EPHA7: variants seen among roughly 807,000 people sequenced by gnomAD.
EPHA7 encodes ephrin type-A receptor 7.
A neutral mutation model predicts 112.6 loss-of-function variants in EPHA7; 25 were observed. The observed-to-expected ratio is 0.22, with a 90% CI of 0.16 to 0.31. The LOEUF is 0.31. Among genes scored for constraint, EPHA7 ranks in the 10% least tolerant of loss-of-function variants. The pLI, the probability that EPHA7 is intolerant of heterozygous loss-of-function variation, is 1.00. For missense variants in EPHA7, 962 were observed against 1,212.6 expected, an observed-to-expected ratio of 0.79 and a Z score of 3.07; for synonymous variants, 437 against 406.5, an observed-to-expected ratio of 1.07 and a Z score of -0.90.
intron 3 of EPHA7, among the ~76,000 whole-genome samples, chr6:93,372,773 T>C (rs1312965023): frequency 2.0e-5 from 3 of 152,238 alleles, no homozygotes; most frequent in Admixed American, 2.0e-4. Flanking sequence ...AGCATTGTGC[T>C]TGCAGCTATA....
chr6:93,309,183 A>C (rs1773408029), intron 5 of EPHA7, among the ~76,000 whole-genome samples: 1 of 152,186 alleles, frequency 6.6e-6, no homozygotes, highest in South Asian at 2.1e-4. Flanking sequence ...TCCTGACTTC[A>C]GGTGATCTGC....
intron 1 of EPHA7, among the ~76,000 whole-genome samples, chr6:93,416,117 T>C (rs1431336518): frequency 3.3e-5 from 5 of 152,138 alleles, no homozygotes; most frequent in Admixed American, 2.0e-4. Context: ...ATCAGAAACA[T>C]TTGACTCCCT....
In EPHA7 at chr6:93,419,471, G is replaced by T; in HGVS notation, c.-130C>A. ...GATTCCCCTTCTCGGTCCCCGATCG[G>T]CTGCTCCACGTTTAGCTTTTTTTAA... On this transcript the variant is annotated 5_prime_UTR_variant, in exon 1 of 17. Transcript: ENST00000369303. 3.0e-6 allele frequency: 2 copies of T among 664,798 alleles called. No homozygotes were observed. Among genetic ancestry groups the T allele is most frequent in the South Asian group, 2.1e-5 (1 of 48,738 alleles). 41.2% of individuals were successfully genotyped at this position (664,798 alleles called of 1,614,324 possible). A position where few individuals can be genotyped will look rare whatever the true frequency, so the allele number is the denominator to read the frequency against.
chr6:93,356,368 C>T (rs1428438487), intron 5 of EPHA7, among the ~76,000 whole-genome samples: 9 of 151,940 alleles, frequency 5.9e-5, no homozygotes, highest in Admixed American at 2.0e-4. Context: ...CCACCATGCC[C>T]GGCTAATTCT....
intron 5 of EPHA7, among the ~76,000 whole-genome samples, chr6:93,282,868 A>G (rs1771829600): frequency 6.6e-6 from 1 of 152,102 alleles, no homozygotes; most frequent in Admixed American, 6.5e-5. Flanking sequence ...GCACCCTGCC[A>G]TGCCTGAGCC....
At chr6:93,383,321 T>G (rs1255826922) in intron 3 of EPHA7, among the ~76,000 whole-genome samples, 6 of 146,462 alleles carry the variant, frequency 4.1e-5, no homozygotes, top group African/African-American at 1.3e-4. Flanking sequence ...AGAACTCATT[T>G]TGTGTGTGTG....
At chr6:93,336,341 T>C (rs1180923927) in intron 5 of EPHA7, among the ~76,000 whole-genome samples, 5 of 152,190 alleles carry the variant, frequency 3.3e-5, no homozygotes, top group Admixed American at 3.3e-4. Flanking sequence ...ATTTCATGTG[T>C]ATCTCACTTT....
intron 3 of EPHA7, among the ~76,000 whole-genome samples, chr6:93,376,461 G>T (rs965875553): frequency 6.6e-6 from 1 of 152,038 alleles, no homozygotes; most frequent in African/African-American, 2.4e-5. Flanking sequence ...AACCAATTCA[G>T]CACTGAAAGT....
At chr6:93,350,353 G>C (rs1459921601) in intron 5 of EPHA7, among the ~76,000 whole-genome samples, 1 of 151,874 alleles carries the variant, frequency 6.6e-6, no homozygotes, top group Non-Finnish European at 1.5e-5. Context: ...AGCACTCTAT[G>C]GTAAGATTGC....
intron 5 of EPHA7, among the ~76,000 whole-genome samples, chr6:93,295,352 T>C (rs952660462): frequency 5.8e-4 from 88 of 151,890 alleles, no homozygotes; most frequent in Non-Finnish European, 1.8e-4. Flanking sequence ...TAAGTAATTT[T>C]TCATTGCTCT....
chr6:93,256,710 T>TGACAGCTG (rs1770454962), intron 12 of EPHA7, among the ~76,000 whole-genome samples: 1 of 152,072 alleles, frequency 6.6e-6, no homozygotes. Context: ...ACATGCTGGA[T>TGACAGCTG]GAAGTATGCT....
chr6:93,257,786 T>C (rs1245439421), intron 11 of EPHA7, among the ~76,000 whole-genome samples: 1 of 152,048 alleles, frequency 6.6e-6, no homozygotes, highest in African/African-American at 2.4e-5. Flanking sequence ...TCAGAGAAAA[T>C]TACACTTTAT....
intron 3 of EPHA7, among the ~76,000 whole-genome samples, chr6:93,364,702 A>G (rs1776423929): frequency 6.6e-6 from 1 of 152,096 alleles, no homozygotes; most frequent in Admixed American, 6.5e-5. Flanking sequence ...TTTAGGTAAA[A>G]GAAATTACCT....
chr6:93,378,737 T>A (rs1777184648), intron 3 of EPHA7, among the ~76,000 whole-genome samples: 1 of 152,142 alleles, frequency 6.6e-6, no homozygotes, highest in Admixed American at 6.6e-5. Flanking sequence ...TTAAGTAACT[T>A]ACTATATTTT....
chr6:93,375,648 C>T (rs1490072664), intron 3 of EPHA7, among the ~76,000 whole-genome samples: 1 of 147,790 alleles, frequency 6.8e-6, no homozygotes, highest in African/African-American at 2.5e-5. Flanking sequence ...AAAAAACAAA[C>T]TCCTAATAGG....
intron 3 of EPHA7, among the ~76,000 whole-genome samples, chr6:93,383,224 T>A (rs762433069): frequency 4.6e-5 from 7 of 151,602 alleles, no homozygotes; most frequent in Middle Eastern, 3.4e-3. Flanking sequence ...CATACACATA[T>A]ACATATATAT....
intron 3 of EPHA7, among the ~76,000 whole-genome samples, chr6:93,394,880 T>C (rs188414132): frequency 6.6e-6 from 1 of 151,964 alleles, no homozygotes; most frequent in Non-Finnish European, 1.5e-5. Flanking sequence ...TTAAATTCCA[T>C]ACATTCTTTA....
chr6:93,294,028 T>G (rs2127840578), intron 5 of EPHA7, among the ~76,000 whole-genome samples: 1 of 152,272 alleles, frequency 6.6e-6, no homozygotes. Flanking sequence ...AAGTGTCAAT[T>G]ATGGACAGGA....
intron 5 of EPHA7, among the ~76,000 whole-genome samples, chr6:93,333,530 C>T (rs1044681614): frequency 9.2e-5 from 14 of 151,850 alleles, no homozygotes; most frequent in African/African-American, 2.7e-4. Context: ...TCTCCAAAAC[C>T]TCACCAGCAT....
Sources: gnomAD v4.1 joint callset for allele counts (sites outside exome capture counted in the v4.1 genomes callset) on GRCh38, gnomAD v4.1.1 for gene constraint, MANE v1.5 for transcripts, NCBI Gene and HGNC (gene_info 2026-07-23, HGNC 2026-07-21) for gene names.